SPNS3: variants seen among roughly 807,000 people sequenced by gnomAD.
SPNS3 encodes the protein SPNS lysolipid transporter 3, sphingosine-1-phosphate (putative), also known as protein spinster homolog 3.
In SPNS3, 51 loss-of-function variants were observed where a neutral mutation model predicts 54.4. The observed-to-expected ratio is 0.94, with a 90% CI of 0.75 to 1.18. SPNS3 has a LOEUF of 1.18. Among genes scored for constraint, SPNS3 ranks in the 50% most tolerant of loss-of-function variants. The pLI, the probability that SPNS3 is intolerant of heterozygous loss-of-function variation, is 0.00. For synonymous variants in SPNS3, 309 were observed against 294.7 expected, an observed-to-expected ratio of 1.05 and a Z score of -0.50; for missense variants, 669 against 677.4, an observed-to-expected ratio of 0.99 and a Z score of 0.14.
chr17:4,482,879 A>T (rs1972208021), intron 9 of SPNS3, among the ~76,000 whole-genome samples: 1 of 152,064 alleles, frequency 6.6e-6, no homozygotes, highest in South Asian at 2.1e-4. Flanking sequence ...TGGAGGGAGG[A>T]TCCCAGGGGC....
intron 8 of SPNS3, among the ~76,000 whole-genome samples, chr17:4,476,357 G>A (rs1425131410): frequency 6.6e-6 from 1 of 152,176 alleles, no homozygotes; most frequent in African/African-American, 2.4e-5. Context: ...TTTTGGGGCC[G>A]GGATCCACCC....
intron 3 of SPNS3, 145 bp from the exon 4 acceptor site, chr17:4,445,903 G>GAA (rs1325475804): frequency 1.1e-6 from 1 of 888,932 alleles, no homozygotes; most frequent in Non-Finnish European, 1.6e-6. Context: ...ACCTGGAGTG[G>GAA]AGAGGTGTCT....
intron 8 of SPNS3, among the ~76,000 whole-genome samples, chr17:4,467,016 G>A (rs983967843): frequency 1.3e-5 from 2 of 152,144 alleles, no homozygotes; most frequent in Non-Finnish European, 2.9e-5. Context: ...ATGTGGGTGG[G>A]GGTGGAGCGG....
intron 5 of SPNS3, 151 bp downstream of exon 5, chr17:4,447,113 G>A (rs570204556): frequency 4.6e-5 from 35 of 752,694 alleles, no homozygotes; most frequent in Non-Finnish European, 7.2e-5. Context: ...TGGACATGTG[G>A]GGCCTCATAG....
intron 1 of SPNS3, among the ~76,000 whole-genome samples, chr17:4,434,550 G>A (rs1970665155): frequency 6.6e-6 from 1 of 152,036 alleles, no homozygotes; most frequent in South Asian, 2.1e-4. Flanking sequence ...AGGCTGGAGT[G>A]TAGTGGCGCA....
At chr17:4,446,348 C>A in intron 4 of SPNS3, 149 bp downstream of exon 4, 1 of 822,368 alleles carries the variant, frequency 1.2e-6, no homozygotes, top group Non-Finnish European at 1.9e-6. Context: ...TGTGAGTCTA[C>A]CTCTCCTAGC....
intron 8 of SPNS3, among the ~76,000 whole-genome samples, chr17:4,455,922 G>A (rs941572778): frequency 2.0e-5 from 3 of 152,094 alleles, no homozygotes; most frequent in African/African-American, 7.2e-5. Context: ...CTCTGTGGGG[G>A]GGGGGTGAGT....
Position 4,488,115 on chromosome 17 carries a change from G to C in SPNS3, c.*221G>C. The C allele has an allele frequency of 1.7e-6, 1 of 573,482 alleles. No homozygotes were observed. Among genetic ancestry groups the C allele is most frequent in the Non-Finnish European group, 3.1e-6 (1 of 321,406 alleles). 35.5% of individuals were successfully genotyped at this position (573,482 alleles called of 1,614,324 possible). On this transcript the variant is annotated 3_prime_UTR_variant, in exon 12 of 12. Coordinates refer to ENST00000355530, the MANE Select transcript of SPNS3 (RefSeq NM_182538.5). ...GGGCCTGTGCCTGCATCCCGCTCAA[G>C]GCTGCCCCAGCCTGGGGTCTCCAGC... is the stretch of plus-strand genomic sequence containing the variant.
At chr17:4,450,087 C>T (rs2144047975) in intron 7 of SPNS3, among the ~76,000 whole-genome samples, 1 of 151,982 alleles carries the variant, frequency 6.6e-6, no homozygotes, top group South Asian at 2.1e-4. Context: ...GGGCTGCTCT[C>T]CAGCCTCCTT....
At position 4,436,650 on chromosome 17, in the gene SPNS3, C is replaced by CA. The variant is rs561297937; in HGVS notation, c.199+2490dup. Among the ~76,000 whole-genome samples, 96 of 152,266 alleles carry CA rather than the reference C, an allele frequency of 6.3e-4. 1 individual carries two copies. The highest frequency in any genetic ancestry group is 1.9e-3 in the African/African-American group (77 of 41,568). ...ACAAAGCAAAACAAAACACATGAAACAAAAAACCCCAAAGGGGTGTATGGG... is the reference window on the plus strand; with the variant it reads ...ACAAAGCAAAACAAAACACATGAAACAAAAAAACCCCAAAGGGGTGTATGGG... On this transcript the variant is annotated intron_variant, in intron 1 of 11. Transcript: ENST00000355530.
At chr17:4,446,705 A>G (rs1016518913) in intron 4 of SPNS3, 191 bp from the exon 5 acceptor site, 2 of 618,542 alleles carry the variant, frequency 3.2e-6, no homozygotes, top group Non-Finnish European at 5.8e-6. Flanking sequence ...GCCAGAGGTC[A>G]CTGGTGACCT....
chr17:4,461,023 T>A (rs1971484562), intron 8 of SPNS3, among the ~76,000 whole-genome samples: 1 of 152,228 alleles, frequency 6.6e-6, no homozygotes, highest in African/African-American at 2.4e-5. Flanking sequence ...AACTCAATAT[T>A]TACTTGTTAT....
At chr17:4,464,733 T>A (rs1438092992) in intron 8 of SPNS3, among the ~76,000 whole-genome samples, 1 of 152,168 alleles carries the variant, frequency 6.6e-6, no homozygotes, top group South Asian at 2.1e-4. Flanking sequence ...CAGGCTGGAG[T>A]GCAGTGGCGC....
At chr17:4,481,259 T>G (rs1972143367) in intron 9 of SPNS3, among the ~76,000 whole-genome samples, 3 of 144,708 alleles carry the variant, frequency 2.1e-5, no homozygotes, top group Non-Finnish European at 3.0e-5. Context: ...GAGCTGGGGG[T>G]GGAATCCAGC....
intron 5 of SPNS3, 41 bp downstream of exon 5, chr17:4,447,003 G>T: frequency 6.2e-7 from 1 of 1,608,400 alleles, no homozygotes; most frequent in Non-Finnish European, 8.5e-7. Flanking sequence ...TTTCCCTCTG[G>T]ACCGGCAGGG....
At position 4,447,033 on chromosome 17, in the gene SPNS3, C is replaced by T. The variant is rs147629115; in HGVS notation, c.621+71C>T. 4.2e-4 allele frequency: 652 copies of T among 1,567,718 alleles called. 3 individuals carry two copies. In the East Asian group the frequency reaches 0.013, roughly 31 times the overall value. ...GCAGGGACTTTCCAGCCTTGGGTGA[C>T]CTTAGCCACTTGGCGTAGCACCCGG... On this transcript the variant is annotated intron_variant, in intron 5 of 11. Transcript: ENST00000355530.
At chr17:4,461,432 C>T (rs1182370621) in intron 8 of SPNS3, among the ~76,000 whole-genome samples, 1 of 119,170 alleles carries the variant, frequency 8.4e-6, no homozygotes, top group Non-Finnish European at 1.6e-5. Context: ...CTCCTGGCTT[C>T]AAGCAATCCT....
At chr17:4,472,494 A>G (rs1363372337) in intron 8 of SPNS3, among the ~76,000 whole-genome samples, 1 of 152,142 alleles carries the variant, frequency 6.6e-6, no homozygotes, top group Non-Finnish European at 1.5e-5. Context: ...ATTCAGGTAA[A>G]TGCTCTACAA....
intron 1 of SPNS3, among the ~76,000 whole-genome samples, chr17:4,436,023 A>AACTG (rs369599173): frequency 0.011 from 1,734 of 152,060 alleles, 36 homozygotes; most frequent in African/African-American, 0.038. Flanking sequence ...GCTGAGCACT[A>AACTG]ACTGTGGGCA....
Sources: gnomAD v4.1 joint callset for allele counts (sites outside exome capture counted in the v4.1 genomes callset) on GRCh38, gnomAD v4.1.1 for gene constraint, MANE v1.5 for transcripts, NCBI Gene and HGNC (gene_info 2026-07-23, HGNC 2026-07-21) for gene names.